The following RTN1 variants were observed in gnomAD, a reference collection of about 807,000 sequenced individuals.
RTN1 encodes the protein reticulon-1.
RTN1 carries 25 observed loss-of-function variants against 65.5 expected under a neutral mutation model. That is an observed-to-expected ratio of 0.38 (90% CI 0.28 to 0.53). The LOEUF is 0.53. Among genes scored for constraint, RTN1 ranks in the 20% least tolerant of loss-of-function variants. The pLI is 0.79. For synonymous variants in RTN1, 471 were observed against 447.6 expected (o/e 1.05, Z -0.66); for missense variants, 983 against 1,025.4 (o/e 0.96, Z 0.57).
intron 3 of RTN1, among the ~76,000 whole-genome samples, chr14:59,660,950 GT>G (rs951583362): frequency 1.3e-5 from 2 of 151,530 alleles, no homozygotes; most frequent in South Asian, 2.1e-4. Flanking sequence ...TCCAGGAGCT[GT>G]TTTTTTTGAA....
chr14:59,704,216 C>CAG (rs1275621241), intron 3 of RTN1, among the ~76,000 whole-genome samples: 2 of 152,184 alleles, frequency 1.3e-5, no homozygotes, highest in African/African-American at 4.8e-5. Context: ...CAGGGACTTG[C>CAG]AGTCCCAGCA....
chr14:59,857,685 C>T (rs1566750043), intron 1 of RTN1, among the ~76,000 whole-genome samples: 1 of 152,206 alleles, frequency 6.6e-6, no homozygotes, highest in Non-Finnish European at 1.5e-5. Flanking sequence ...GCAAAACTCG[C>T]AGGTTTTAGA....
At chr14:59,818,259 C>A (rs956493235) in intron 1 of RTN1, among the ~76,000 whole-genome samples, 1 of 152,086 alleles carries the variant, frequency 6.6e-6, no homozygotes, top group African/African-American at 2.4e-5. Flanking sequence ...TTTTCTTTAC[C>A]CAGTCCATCA....
intron 3 of RTN1, among the ~76,000 whole-genome samples, chr14:59,691,607 A>G (rs540436084): frequency 6.6e-6 from 1 of 152,254 alleles, no homozygotes; most frequent in South Asian, 2.1e-4. Flanking sequence ...CCCTGATATC[A>G]AAACCTGGCA....
intron 1 of RTN1, among the ~76,000 whole-genome samples, chr14:59,750,802 C>T (rs1387085983): frequency 7.4e-6 from 1 of 134,878 alleles, no homozygotes; most frequent in Non-Finnish European, 1.5e-5. Flanking sequence ...GCAGCCTCAA[C>T]CTATAGGCTC....
At chr14:59,716,271 C>G (rs1884532482) in intron 3 of RTN1, among the ~76,000 whole-genome samples, 1 of 152,164 alleles carries the variant, frequency 6.6e-6, no homozygotes, top group Non-Finnish European at 1.5e-5. Flanking sequence ...ATGAGTAGAT[C>G]TTATTTTAAA....
intron 3 of RTN1, among the ~76,000 whole-genome samples, chr14:59,704,019 A>G (rs1884236335): frequency 6.6e-6 from 1 of 152,248 alleles, no homozygotes; most frequent in Admixed American, 6.5e-5. Context: ...ATAATATTGC[A>G]GGAAATCACA....
chr14:59,623,872 C>G (rs1882321544), intron 3 of RTN1, among the ~76,000 whole-genome samples: 2 of 152,068 alleles, frequency 1.3e-5, no homozygotes, highest in African/African-American at 4.8e-5. Flanking sequence ...CTGTTCCATT[C>G]AATAAAATAT....
intron 3 of RTN1, among the ~76,000 whole-genome samples, chr14:59,612,298 G>T (rs1483496045): frequency 6.6e-6 from 1 of 152,172 alleles, no homozygotes; most frequent in African/African-American, 2.4e-5. Flanking sequence ...TATAGCACAA[G>T]TGAGCAGGGT....
intron 1 of RTN1, among the ~76,000 whole-genome samples, chr14:59,822,368 A>G (rs939293260): frequency 1.3e-5 from 2 of 152,058 alleles, no homozygotes; most frequent in African/African-American, 4.8e-5. Context: ...TGCTTTTGTC[A>G]TTTCTGATAT....
intron 1 of RTN1, among the ~76,000 whole-genome samples, chr14:59,819,165 AGT>A (rs1394099219): frequency 1.3e-5 from 2 of 152,028 alleles, no homozygotes; most frequent in Non-Finnish European, 2.9e-5. Context: ...AGACCTTCAC[AGT>A]GTGTGTTATA....
chr14:59,844,453 A>T (rs977407401), intron 1 of RTN1, among the ~76,000 whole-genome samples: 1 of 152,248 alleles, frequency 6.6e-6, no homozygotes, highest in African/African-American at 2.4e-5. Flanking sequence ...AGCTACATGT[A>T]AGCCAACACA....
chr14:59,870,641 C>T lies in RTN1; in HGVS notation c.-11G>A, dbSNP rs1432839124. ...CCCCGGCGCGGCCATGGCTGGCGGT[C>T]CCCCGGCGCGGCGACGGCGGCTTGG... On this transcript the variant is annotated 5_prime_UTR_variant, in exon 1 of 9. Coordinates refer to ENST00000267484, the MANE Select transcript of RTN1 (RefSeq NM_021136.3). The surrounding 1 kb of genome is among the most constrained non-coding windows in gnomAD (Gnocchi z 5.1). 4 of 1,373,148 alleles carry T rather than the reference C, an allele frequency of 2.9e-6. No homozygotes were observed. The Middle Eastern group carries it at 1.1e-3, about 367-fold the overall frequency. 85.1% of individuals were successfully genotyped at this position (1,373,148 alleles called of 1,614,324 possible).
rs766491473 is a variant in RTN1, at chr14:59,746,458, T to C, written c.265A>G (p.Met89Val). The change falls in exon 2 of 9, where the codon ATG becomes GTG. Residue 89 changes from methionine to valine, a missense_variant. Met to Val is a conservative substitution (Grantham distance 21, BLOSUM62 1). Coordinates refer to ENST00000267484, the MANE Select transcript of RTN1 (RefSeq NM_021136.3). ...GATGTTGTTGAGAAGGTGTGGTCCA[T>C]GGCACTGGAAACACCTGCCACACCT... ...STGVAGVSSAMDHTFSTTSKD... is the reference protein window; with the variant it reads ...STGVAGVSSAVDHTFSTTSKD... 3.1e-6 allele frequency: 5 copies of C among 1,597,946 alleles called. No individual in the cohort carries two copies. The highest frequency in any genetic ancestry group is 2.7e-5 in the African/African-American group (2 of 74,784).
intron 3 of RTN1, among the ~76,000 whole-genome samples, chr14:59,700,752 T>C (rs1303922464): frequency 2.0e-5 from 3 of 152,084 alleles, no homozygotes; most frequent in Admixed American, 2.0e-4. Context: ...GAACTAAAAC[T>C]TTAAAACTCT....
At chr14:59,689,237 T>C (rs1353282839) in intron 3 of RTN1, among the ~76,000 whole-genome samples, 3 of 152,176 alleles carry the variant, frequency 2.0e-5, no homozygotes, top group Admixed American at 2.0e-4. Flanking sequence ...CCAGTCTTTT[T>C]AACTAACACA....
At chr14:59,795,926 T>C (rs1403070832) in intron 1 of RTN1, among the ~76,000 whole-genome samples, 1 of 152,148 alleles carries the variant, frequency 6.6e-6, no homozygotes, top group Non-Finnish European at 1.5e-5. Flanking sequence ...AATATAATAA[T>C]TGAAATAATC....
intron 3 of RTN1, among the ~76,000 whole-genome samples, chr14:59,645,906 A>G (rs910065732): frequency 6.6e-6 from 1 of 152,268 alleles, no homozygotes; most frequent in African/African-American, 2.4e-5. Context: ...TCAGATGACC[A>G]GAGTGTCTTA....
chr14:59,625,204 G>A (rs959916958), intron 3 of RTN1, among the ~76,000 whole-genome samples: 5 of 152,138 alleles, frequency 3.3e-5, no homozygotes, highest in African/African-American at 1.2e-4. Flanking sequence ...TAATATTTTT[G>A]TCATAGAATA....
Sources: allele counts gnomAD v4.1 joint callset (sites outside exome capture counted in the v4.1 genomes callset), GRCh38; gene constraint gnomAD v4.1.1; non-coding constraint Gnocchi (gnomAD v3.1); transcripts MANE v1.5; gene names NCBI Gene and HGNC (gene_info 2026-07-23, HGNC 2026-07-21).